The following LAMA1 variants were observed in gnomAD, a reference collection of about 807,000 sequenced individuals.
LAMA1 encodes laminin subunit alpha 1.
LAMA1 carries 219 observed loss-of-function variants against 348.7 expected under a neutral mutation model. That is an observed-to-expected ratio of 0.63 (90% CI 0.56 to 0.70). LAMA1 has a LOEUF of 0.70. Ranked by LOEUF, LAMA1 falls within the 30% of genes least tolerant of loss-of-function variation. The pLI, the probability that LAMA1 is intolerant of heterozygous loss-of-function variation, is 0.00. For synonymous variants in LAMA1, 1,487 were observed against 1,491.0 expected (o/e 1.00, Z 0.06); for missense variants, 3,744 against 3,888.0 (o/e 0.96, Z 0.99).
chr18:6,945,036 T>G (rs1316998513), intron 61 of LAMA1, among the ~76,000 whole-genome samples: 3 of 152,164 alleles, frequency 2.0e-5, no homozygotes, highest in Non-Finnish European at 4.4e-5. Context: ...CTGATTGCAT[T>G]CCTAATTTTT....
intron 4 of LAMA1, among the ~76,000 whole-genome samples, chr18:7,049,574 T>G (rs889406239): frequency 4.6e-5 from 7 of 152,152 alleles, no homozygotes; most frequent in Non-Finnish European, 1.0e-4. Context: ...GCTGGGATTA[T>G]AGGCATGAGC....
At chr18:7,010,060 G>A in intron 26 of LAMA1, 140 bp downstream of exon 26, 1 of 894,780 alleles carries the variant, frequency 1.1e-6, no homozygotes, top group African/African-American at 1.6e-5. Context: ...ACCCACCTCG[G>A]CTTCTCAAAG....
chr18:6,988,722 G>A (rs914437811), intron 36 of LAMA1, among the ~76,000 whole-genome samples: 7 of 148,384 alleles, frequency 4.7e-5, no homozygotes, highest in African/African-American at 1.5e-4. Context: ...AGGGAGAATC[G>A]CTTGAACCCG....
At chr18:7,098,113 G>T (rs2058270351) in intron 1 of LAMA1, among the ~76,000 whole-genome samples, 1 of 149,382 alleles carries the variant, frequency 6.7e-6, no homozygotes, top group Non-Finnish European at 1.5e-5. Flanking sequence ...AGCCTCCCGA[G>T]GTGCCGGGAT....
Position 7,026,979 on chromosome 18 carries a change from G to A in LAMA1, c.2275-873C>T, listed in dbSNP as rs567712363. Among the ~76,000 whole-genome samples the A allele has an allele frequency of 3.6e-3, 523 of 143,320 alleles. 2 individuals carry two copies. The highest frequency in any genetic ancestry group is 6.1e-3 in the Non-Finnish European group (408 of 66,562). The allele number at this position is 143,320 out of a possible 152,430, so 94.0% of individuals were successfully genotyped here. A position where few individuals can be genotyped will look rare whatever the true frequency, so the allele number is the denominator to read the frequency against. Reference sequence around the variant, plus strand: ...ACTGCCTGGGTGACAGCGAGACTCCGTCTCAAAAAAAAAAAAAAAAGATTA... The same window carrying A: ...ACTGCCTGGGTGACAGCGAGACTCCATCTCAAAAAAAAAAAAAAAAGATTA... On this transcript the variant is annotated intron_variant, in intron 16 of 62. Coordinates refer to ENST00000389658, the MANE Select transcript of LAMA1 (RefSeq NM_005559.4).
At chr18:7,011,553 A>G in intron 24 of LAMA1, 74 bp from the exon 25 acceptor site, 1 of 1,375,050 alleles carries the variant, frequency 7.3e-7, no homozygotes, top group Non-Finnish European at 1.0e-6. Flanking sequence ...TTTAGATTCC[A>G]TCATTGTTTC....
At chr18:7,011,907 TG>T (rs1272339951) in intron 24 of LAMA1, 87 bp downstream of exon 24, 1 of 1,481,826 alleles carries the variant, frequency 6.7e-7, no homozygotes, top group African/African-American at 1.4e-5. Flanking sequence ...CAAAATTTAA[TG>T]TGAACACTTG....
At chr18:6,982,879 G>T (rs1364751240) in intron 40 of LAMA1, among the ~76,000 whole-genome samples, 1 of 152,194 alleles carries the variant, frequency 6.6e-6, no homozygotes, top group Non-Finnish European at 1.5e-5. Flanking sequence ...AAGGAAATGT[G>T]AGATTGTTCT....
chr18:7,042,320 G>C, intron 8 of LAMA1, 70 bp from the exon 9 acceptor site: 2 of 914,284 alleles, frequency 2.2e-6, no homozygotes, highest in Non-Finnish European at 3.5e-6. Flanking sequence ...GTATAAATAA[G>C]AAGGTATTGG....
intron 62 of LAMA1, among the ~76,000 whole-genome samples, chr18:6,942,874 G>A (rs775912909): frequency 3.3e-5 from 5 of 152,060 alleles, no homozygotes; most frequent in East Asian, 3.9e-4. Flanking sequence ...TTCCTAAAAC[G>A]ATTCCCTAGC....
At chr18:7,055,405 A>G (rs1397988280) in intron 3 of LAMA1, among the ~76,000 whole-genome samples, 1 of 146,580 alleles carries the variant, frequency 6.8e-6, no homozygotes, top group Non-Finnish European at 1.5e-5. Context: ...GTGAGCCAAG[A>G]TCGCACCACT....
At position 6,982,630 on chromosome 18, in the gene LAMA1, A is replaced by C. The variant is rs552215147; in HGVS notation, c.5797-40T>G. On this transcript the variant is annotated intron_variant, in intron 40 of 62. Coordinates refer to ENST00000389658, the MANE Select transcript of LAMA1 (RefSeq NM_005559.4). ...CACTTAAGCGTGGTGAGAGCAGGGC[A>C]GGGTGGAGTCCTGCTGGGGACAGAG... is the stretch of plus-strand genomic sequence containing the variant. 4.6e-6 allele frequency: 7 copies of C among 1,520,398 alleles called. No individual in the cohort carries two copies. In the East Asian group the frequency reaches 1.4e-4, roughly 29 times the overall value. The allele number at this position is 1,520,398 out of a possible 1,614,324, so 94.2% of individuals were successfully genotyped here.
intron 3 of LAMA1, among the ~76,000 whole-genome samples, chr18:7,060,773 C>T (rs1009178281): frequency 2.0e-5 from 3 of 152,096 alleles, no homozygotes; most frequent in South Asian, 2.1e-4. Context: ...ATTAGAAAAG[C>T]GATTTCAAAA....
At chr18:7,083,133 G>C (rs2058199870) in intron 1 of LAMA1, among the ~76,000 whole-genome samples, 1 of 151,740 alleles carries the variant, frequency 6.6e-6, no homozygotes, top group African/African-American at 2.4e-5. Flanking sequence ...ATCAGCATCA[G>C]GTAGTTCTTT....
chr18:6,977,738 G>GT lies in LAMA1; in HGVS notation c.6333dup (p.Gln2112ThrfsTer6), dbSNP rs997313077. ...GGCCCCAAACTCACAGAAGCTGCTT[G>GT]TTTGCGGGCCTGGCTGATCAACAGT... is the stretch of plus-strand genomic sequence containing the variant. On this transcript the variant is annotated frameshift_variant, in exon 44 of 63. Coordinates refer to ENST00000389658, the MANE Select transcript of LAMA1 (RefSeq NM_005559.4). LOFTEE classifies it high-confidence loss of function. The GT allele has an allele frequency of 1.1e-5, 17 of 1,613,996 alleles. No individual in the cohort carries two copies. Among genetic ancestry groups the GT allele is most frequent in the African/African-American group, 1.3e-5 (1 of 74,926 alleles).
At position 7,036,096 on chromosome 18, in the gene LAMA1, G is replaced by A. The variant is rs1568040564; in HGVS notation, c.1738-8C>T. The A allele has an allele frequency of 1.2e-6, 2 of 1,600,316 alleles. No homozygotes were observed. Among genetic ancestry groups the A allele is most frequent in the South Asian group, 1.1e-5 (1 of 90,772 alleles). ...TCCGCCAAACGCAGTCAGCTGAAATGTTTAAGCGAGAATGAACACGAAAGG... is the reference window on the plus strand; with the variant it reads ...TCCGCCAAACGCAGTCAGCTGAAATATTTAAGCGAGAATGAACACGAAAGG... On this transcript the variant is annotated splice_region_variant and splice_polypyrimidine_tract_variant and intron_variant, in intron 12 of 62. Transcript: ENST00000389658.
At chr18:6,994,410 C>G (rs969930405) in intron 34 of LAMA1, among the ~76,000 whole-genome samples, 1 of 152,086 alleles carries the variant, frequency 6.6e-6, no homozygotes, top group South Asian at 2.1e-4. Context: ...GTAGAGTAAC[C>G]CAGTCTGAGT....
At chr18:6,950,712 A>G in intron 58 of LAMA1, 70 bp downstream of exon 58, 1 of 1,546,908 alleles carries the variant, frequency 6.5e-7, no homozygotes, top group Non-Finnish European at 8.9e-7. Context: ...CCTTTGAGAA[A>G]TGGAGTGAAC....
At chr18:7,100,449 G>A (rs1444320834) in intron 1 of LAMA1, among the ~76,000 whole-genome samples, 1 of 152,100 alleles carries the variant, frequency 6.6e-6, no homozygotes, top group African/African-American at 2.4e-5. Flanking sequence ...CTTACCACAC[G>A]ATCCATATTC....
Sources: gnomAD v4.1 joint callset for allele counts (sites outside exome capture counted in the v4.1 genomes callset) on GRCh38, gnomAD v4.1.1 for gene constraint, MANE v1.5 for transcripts, NCBI Gene and HGNC (gene_info 2026-07-23, HGNC 2026-07-21) for gene names.